Variants in NTM observed in about 807,000 individuals in gnomAD.
NTM encodes the protein IgLON family member 2.
In NTM, 13 loss-of-function variants were observed where a neutral mutation model predicts 42.1. That is an observed-to-expected ratio of 0.31 (90% CI 0.20 to 0.49). The LOEUF is 0.49. Ranked by LOEUF, NTM falls within the 20% of genes least tolerant of loss-of-function variation. The pLI, the probability that NTM is intolerant of heterozygous loss-of-function variation, is 0.99. For synonymous variants in NTM, 187 were observed against 179.2 expected, an observed-to-expected ratio of 1.04 and a Z score of -0.35; for missense variants, 373 against 452.8, an observed-to-expected ratio of 0.82 and a Z score of 1.60.
intron 1 of NTM, among the ~76,000 whole-genome samples, chr11:131,376,692 G>A (rs535403334): frequency 2.0e-4 from 30 of 147,628 alleles, no homozygotes; most frequent in Admixed American, 1.0e-3. Context: ...TTTAGCTTCA[G>A]TGAGAGTATT....
intron 1 of NTM, among the ~76,000 whole-genome samples, chr11:131,740,274 T>G (rs907905835): frequency 3.9e-5 from 6 of 152,128 alleles, no homozygotes; most frequent in African/African-American, 1.4e-4. Flanking sequence ...CATTGTAAAA[T>G]AAGGGTAATA....
At chr11:131,947,021 G>T (rs958052671) in intron 2 of NTM, among the ~76,000 whole-genome samples, 2 of 152,192 alleles carry the variant, frequency 1.3e-5, no homozygotes, top group African/African-American at 4.8e-5. Context: ...AAGGTTATTG[G>T]AAGGTACAAT....
intron 2 of NTM, among the ~76,000 whole-genome samples, chr11:132,126,376 C>T (rs1390894437): frequency 6.6e-6 from 1 of 152,070 alleles, no homozygotes; most frequent in East Asian, 1.9e-4. Flanking sequence ...GGAAGGTGTT[C>T]CTTCTACTTT....
chr11:132,094,179 T>C (rs1345769978), intron 2 of NTM, among the ~76,000 whole-genome samples: 3 of 152,234 alleles, frequency 2.0e-5, no homozygotes, highest in Non-Finnish European at 1.5e-5. Context: ...TAGTTCACAA[T>C]GCACAGAGAA....
chr11:131,864,712 G>A (rs889045309), intron 1 of NTM, among the ~76,000 whole-genome samples: 6 of 152,222 alleles, frequency 3.9e-5, no homozygotes, highest in Admixed American at 2.6e-4. Flanking sequence ...GCATGAAAGA[G>A]TTTCCCTATG....
chr11:132,066,977 C>T (rs1358768093), intron 2 of NTM, among the ~76,000 whole-genome samples: 2 of 151,610 alleles, frequency 1.3e-5, no homozygotes, highest in East Asian at 3.9e-4. Flanking sequence ...TCTTTTGAGA[C>T]AGGGTCTTGC....
intron 1 of NTM, among the ~76,000 whole-genome samples, chr11:131,890,714 G>T (rs990509739): frequency 6.6e-6 from 1 of 152,122 alleles, no homozygotes; most frequent in African/African-American, 2.4e-5. Flanking sequence ...CGAGCTCCTC[G>T]TGAAAAGCTC....
intron 1 of NTM, among the ~76,000 whole-genome samples, chr11:131,765,965 T>A (rs1247011981): frequency 1.3e-5 from 2 of 152,136 alleles, no homozygotes; most frequent in Non-Finnish European, 2.9e-5. Context: ...TAACATAAAC[T>A]ATTGACTAGC....
intron 1 of NTM, among the ~76,000 whole-genome samples, chr11:131,432,984 A>G (rs1018443268): frequency 2.7e-5 from 4 of 150,942 alleles, no homozygotes; most frequent in Non-Finnish European, 4.4e-5. Context: ...CCTCCCAAGT[A>G]GCTGGGACTG....
At chr11:131,777,552 A>G (rs996634953) in intron 1 of NTM, among the ~76,000 whole-genome samples, 4 of 150,200 alleles carry the variant, frequency 2.7e-5, no homozygotes, top group Non-Finnish European at 5.9e-5. Context: ...TCTCCATGGC[A>G]TGCTTTCTAA....
chr11:131,720,044 G>C (rs1037309227), intron 1 of NTM, among the ~76,000 whole-genome samples: 1 of 152,152 alleles, frequency 6.6e-6, no homozygotes, highest in African/African-American at 2.4e-5. Flanking sequence ...TTCCGGGGTT[G>C]CTTCCTCAGA....
intron 1 of NTM, among the ~76,000 whole-genome samples, chr11:131,679,946 G>A (rs540080418): frequency 2.0e-5 from 3 of 152,308 alleles, no homozygotes; most frequent in East Asian, 1.9e-4. Flanking sequence ...ACAAAGTCAT[G>A]CAAAGGTGAA....
chr11:131,665,101 G>A (rs981189187), intron 1 of NTM, among the ~76,000 whole-genome samples: 4 of 152,134 alleles, frequency 2.6e-5, no homozygotes, highest in Non-Finnish European at 4.4e-5. Context: ...GTCCCCTCCT[G>A]TCCTGCAGGG....
Position 131,598,829 on chromosome 11 carries a change from CTTTCTTTCTTTCTTT to C in NTM, c.82+227942_82+227956del, listed in dbSNP as rs1232394687. On this transcript the variant is annotated intron_variant, in intron 1 of 8. Transcript: ENST00000683400. Reference sequence around the variant, plus strand: ...TTTCTTTCTTCTTTCTTTCTTTCTTCTTTCTTTCTTTCTTTCTTTCTTCCTTCCTTCCTTCCTTCC... The same window carrying C: ...TTTCTTTCTTCTTTCTTTCTTTCTTCCTTTCTTCCTTCCTTCCTTCCTTCC... 8.2e-4 allele frequency among the ~76,000 whole-genome samples: 29 copies of C among 35,500 alleles called. 2 individuals carry two copies. Among genetic ancestry groups the C allele is most frequent in the South Asian group, 2.5e-3 (2 of 814 alleles). 23.3% of individuals were successfully genotyped at this position (35,500 alleles called of 152,430 possible).
chr11:131,558,491 A>G (rs1327968285), intron 1 of NTM, among the ~76,000 whole-genome samples: 4 of 152,146 alleles, frequency 2.6e-5, no homozygotes, highest in Non-Finnish European at 5.9e-5. Flanking sequence ...AAAGGGTTCA[A>G]CCACCTCTGT....
At chr11:132,268,662 C>G (rs908701630) in intron 4 of NTM, among the ~76,000 whole-genome samples, 1 of 67,866 alleles carries the variant, frequency 1.5e-5, no homozygotes, top group African/African-American at 5.7e-5. Context: ...GGGGTCCTCT[C>G]TCTCTCTCTG....
chr11:132,193,230 C>G (rs534951889), intron 3 of NTM, among the ~76,000 whole-genome samples: 1 of 152,192 alleles, frequency 6.6e-6, no homozygotes, highest in East Asian at 1.9e-4. Context: ...ATGGCACATA[C>G]TCTAAGATCA....
intron 2 of NTM, among the ~76,000 whole-genome samples, chr11:131,955,890 A>G (rs1198831613): frequency 2.0e-5 from 3 of 152,226 alleles, no homozygotes; most frequent in Non-Finnish European, 4.4e-5. Flanking sequence ...GTGATGTCCA[A>G]GATTCCTGGG....
At position 131,767,471 on chromosome 11, in the gene NTM, C is replaced by T. The variant is rs369548773; in HGVS notation, c.83-144093C>T. Among the ~76,000 whole-genome samples, 11 of 152,278 alleles carry T rather than the reference C, an allele frequency of 7.2e-5. No individual in the cohort carries two copies. In the South Asian group the frequency reaches 2.3e-3, roughly 32 times the overall value. Reference sequence around the variant, plus strand: ...CCCAAATTTATATTGAAACCCTAACCCAACCCCCAGTGGGAAAGTCTTAGG... The same window carrying T: ...CCCAAATTTATATTGAAACCCTAACTCAACCCCCAGTGGGAAAGTCTTAGG... On this transcript the variant is annotated intron_variant, in intron 1 of 8. Coordinates refer to ENST00000683400, the MANE Select transcript of NTM (RefSeq NM_001352005.2).
Sources: allele counts gnomAD v4.1 joint callset (sites outside exome capture counted in the v4.1 genomes callset), GRCh38; gene constraint gnomAD v4.1.1; transcripts MANE v1.5; gene names NCBI Gene and HGNC (gene_info 2026-07-23, HGNC 2026-07-21).